RIMS1: variants seen among roughly 807,000 people sequenced by gnomAD.
The protein encoded by RIMS1 is regulating synaptic membrane exocytosis 1, also known as regulating synaptic membrane exocytosis protein 1.
In RIMS1, 83 loss-of-function variants were observed where a neutral mutation model predicts 214.1. The observed-to-expected ratio is 0.39, with a 90% CI of 0.32 to 0.47. RIMS1 has a LOEUF of 0.47. Among genes scored for constraint, RIMS1 ranks in the 20% least tolerant of loss-of-function variants. The probability of loss-of-function intolerance (pLI) is 0.99; values close to 1 mark genes in which losing one functional copy is unlikely to be tolerated. For missense variants in RIMS1, 2,050 were observed against 2,161.8 expected, an observed-to-expected ratio of 0.95 and a Z score of 1.03; for synonymous variants, 793 against 786.8, an observed-to-expected ratio of 1.01 and a Z score of -0.13.
intron 29 of RIMS1, among the ~76,000 whole-genome samples, chr6:72,380,246 G>A (rs890179849): frequency 3.3e-5 from 5 of 152,140 alleles, no homozygotes; most frequent in Admixed American, 6.5e-5. Context: ...GGGGTTTGTC[G>A]TGGGGTGGAA....
chr6:72,344,969 A>G (rs1417066713), intron 29 of RIMS1, among the ~76,000 whole-genome samples: 1 of 151,724 alleles, frequency 6.6e-6, no homozygotes, highest in Non-Finnish European at 1.5e-5. Context: ...GAGGGAAGGA[A>G]ACTAAATTTA....
At position 72,160,194 on chromosome 6, in the gene RIMS1, G is replaced by A. The variant is rs377192106; in HGVS notation, c.472-19381G>A. On this transcript the variant is annotated intron_variant, in intron 4 of 33. Transcript: ENST00000521978. ...TGATTTGGCTCTCTGTTTGTCTTTT[G>A]TTGGTGTATAAGAATGCTTGTGATT... is the stretch of plus-strand genomic sequence containing the variant. Among the ~76,000 whole-genome samples, 444 of 134,908 alleles carry A rather than the reference G, an allele frequency of 3.3e-3. 7 individuals are homozygous for A. Among genetic ancestry groups the A allele is most frequent in the Middle Eastern group, 0.011 (3 of 278 alleles). 88.5% of individuals were successfully genotyped at this position (134,908 alleles called of 152,430 possible). A position where few individuals can be genotyped will look rare whatever the true frequency, so the allele number is the denominator to read the frequency against.
chr6:72,106,346 A>G (rs1374608144), intron 4 of RIMS1, among the ~76,000 whole-genome samples: 1 of 152,338 alleles, frequency 6.6e-6, no homozygotes, highest in African/African-American at 2.4e-5. Flanking sequence ...TTACATGGGA[A>G]AGAGTAGAAA....
chr6:71,920,014 T>C (rs894960631), intron 1 of RIMS1, among the ~76,000 whole-genome samples: 3 of 151,964 alleles, frequency 2.0e-5, no homozygotes, highest in Non-Finnish European at 4.4e-5. Context: ...AAACAGACAA[T>C]AAAAACACCA....
intron 1 of RIMS1, among the ~76,000 whole-genome samples, chr6:71,900,652 A>G (rs542962628): frequency 2.6e-5 from 4 of 152,206 alleles, no homozygotes; most frequent in Admixed American, 2.6e-4. Context: ...TTGATTGAAT[A>G]TGGGTTGATG....
intron 4 of RIMS1, among the ~76,000 whole-genome samples, chr6:72,117,360 T>A (rs565244223): frequency 4.9e-4 from 75 of 152,102 alleles, no homozygotes; most frequent in Non-Finnish European, 9.0e-4. Flanking sequence ...GCAGTAAGAA[T>A]GTTCTGTAAG....
chr6:72,290,627 A>C, intron 24 of RIMS1, 52 bp from the exon 25 acceptor site: 9 of 1,527,500 alleles, frequency 5.9e-6, no homozygotes, highest in Non-Finnish European at 7.1e-6. Flanking sequence ...GTTGGTATCA[A>C]AGTTAATGTG....
intron 28 of RIMS1, among the ~76,000 whole-genome samples, chr6:72,323,482 A>G (rs1211520295): frequency 6.6e-6 from 1 of 152,010 alleles, no homozygotes; most frequent in African/African-American, 2.4e-5. Context: ...GTTTAATGAC[A>G]TATGAGAAAC....
chr6:72,161,418 G>A (rs1238865605), intron 4 of RIMS1, among the ~76,000 whole-genome samples: 1 of 139,522 alleles, frequency 7.2e-6, no homozygotes, highest in East Asian at 2.0e-4. Flanking sequence ...GTTATTTCTT[G>A]CCTTCTGTTA....
At chr6:72,281,971 C>T (rs1465369182) in intron 23 of RIMS1, among the ~76,000 whole-genome samples, 2 of 148,932 alleles carry the variant, frequency 1.3e-5, no homozygotes, top group Non-Finnish European at 3.0e-5. Context: ...GTTTTTTTTT[C>T]CACAGACATA....
intron 29 of RIMS1, among the ~76,000 whole-genome samples, chr6:72,341,858 A>G (rs1451789119): frequency 1.3e-5 from 2 of 151,862 alleles, no homozygotes; most frequent in African/African-American, 4.8e-5. Context: ...TATCATTAAC[A>G]GCTGAGAATA....
chr6:72,177,749 C>G (rs1562500653), intron 4 of RIMS1, among the ~76,000 whole-genome samples: 1 of 152,154 alleles, frequency 6.6e-6, no homozygotes, highest in East Asian at 1.9e-4. Flanking sequence ...AACCTTCCCA[C>G]CACACACGTC....
At chr6:72,152,182 G>T (rs942740808) in intron 4 of RIMS1, among the ~76,000 whole-genome samples, 1 of 152,168 alleles carries the variant, frequency 6.6e-6, no homozygotes, top group Non-Finnish European at 1.5e-5. Context: ...GGTTGGATGC[G>T]AAATGCTCAT....
intron 2 of RIMS1, among the ~76,000 whole-genome samples, chr6:72,068,883 C>A (rs907260850): frequency 1.3e-5 from 2 of 150,346 alleles, no homozygotes; most frequent in Non-Finnish European, 2.9e-5. Flanking sequence ...TGTACTCCAG[C>A]CTGGGCGACA....
At chr6:72,142,413 T>C (rs575512891) in intron 4 of RIMS1, among the ~76,000 whole-genome samples, 7 of 152,236 alleles carry the variant, frequency 4.6e-5, no homozygotes, top group Admixed American at 3.3e-4. Context: ...AACATCGTTT[T>C]ATGTATTTTA....
intron 4 of RIMS1, among the ~76,000 whole-genome samples, chr6:72,150,495 A>G (rs536271397): frequency 6.6e-6 from 1 of 152,306 alleles, no homozygotes; most frequent in East Asian, 1.9e-4. Context: ...AGACATTGAA[A>G]TATGGGTTGT....
intron 29 of RIMS1, among the ~76,000 whole-genome samples, chr6:72,360,946 T>A (rs9351916): frequency 3.1e-4 from 46 of 149,058 alleles, no homozygotes; most frequent in East Asian, 1.4e-3. Flanking sequence ...TTTTTTTTTT[T>A]AAAAGTTATT....
At chr6:72,158,532 T>C (rs1182230835) in intron 4 of RIMS1, among the ~76,000 whole-genome samples, 3 of 137,010 alleles carry the variant, frequency 2.2e-5, no homozygotes, top group African/African-American at 5.0e-5. Flanking sequence ...TAACATTAGG[T>C]ATATCTCCTA....
chr6:71,972,449 G>A (rs114181073), intron 2 of RIMS1, among the ~76,000 whole-genome samples: 2,704 of 152,264 alleles, frequency 0.018, 80 homozygotes, highest in African/African-American at 0.06. Flanking sequence ...CAGGGTGATA[G>A]TACTCATATC....
Sources: gnomAD v4.1 joint callset for allele counts (sites outside exome capture counted in the v4.1 genomes callset) on GRCh38, gnomAD v4.1.1 for gene constraint, MANE v1.5 for transcripts, NCBI Gene and HGNC (gene_info 2026-07-23, HGNC 2026-07-21) for gene names.